Variants in ZNF341 observed in about 807,000 individuals in gnomAD.
The protein encoded by ZNF341 is zinc finger protein 341.
Under a neutral mutation model 87.7 loss-of-function variants are expected in ZNF341, and 52 were observed. The observed-to-expected ratio is 0.59, with a 90% confidence interval of 0.47 to 0.75. ZNF341 has a LOEUF of 0.75. Among genes scored for constraint, ZNF341 ranks in the 30% least tolerant of loss-of-function variants. The pLI, the probability that ZNF341 is intolerant of heterozygous loss-of-function variation, is 0.00. For missense variants in ZNF341, 977 were observed against 1,145.9 expected, an observed-to-expected ratio of 0.85 and a Z score of 2.13; for synonymous variants, 459 against 472.7, an observed-to-expected ratio of 0.97 and a Z score of 0.38.
rs766798942 is a variant in ZNF341, at chr20:33,791,527, G to A, written c.*10G>A. ...CCAGGCCTCCGAGTGACGGACCTGA[G>A]GTGTCTGTTTCCTGGGCAGGCCTGA... On this transcript the variant is annotated 3_prime_UTR_variant, in exon 15 of 15. Coordinates refer to ENST00000375200, the MANE Select transcript of ZNF341 (RefSeq NM_001282933.2). 2.6e-6 allele frequency: 4 copies of A among 1,537,178 alleles called. No homozygotes were observed. The Admixed American group carries it at 5.5e-5, about 21-fold the overall frequency.
At chr20:33,749,290 G>C (rs564081622) in intron 4 of ZNF341, among the ~76,000 whole-genome samples, 2 of 152,156 alleles carry the variant, frequency 1.3e-5, no homozygotes, top group East Asian at 3.9e-4. Context: ...ATACAGTGCA[G>C]CTATTTTGAC....
At chr20:33,767,082 C>G (rs371086701) in intron 9 of ZNF341, 41 bp downstream of exon 9, 1 of 1,579,010 alleles carries the variant, frequency 6.3e-7, no homozygotes, top group South Asian at 1.2e-5. Flanking sequence ...CCACACCAGT[C>G]GAAACCTTTC....
At chr20:33,790,678 C>T (rs558322712) in intron 14 of ZNF341, among the ~76,000 whole-genome samples, 53 of 152,156 alleles carry the variant, frequency 3.5e-4, no homozygotes, top group Non-Finnish European at 5.7e-4. Context: ...TCAGGCGTCA[C>T]GGCCCCTCCC....
rs2122698049 is a variant in ZNF341, at chr20:33,766,922, A to G, written c.1294A>G (p.Lys432Glu). 1 of 1,614,184 alleles carries G rather than the reference A, an allele frequency of 6.2e-7. No individual in the cohort carries two copies. Among genetic ancestry groups the G allele is most frequent in the Non-Finnish European group, 8.5e-7 (1 of 1,180,010 alleles). ...LSTAGEEEGD[K>E]PESKQVVLID... ...CACAGCTGGTGAGGAAGAGGGGGACAAGCCGGAGTCCAAGCAGGTGGTCCT... is the reference window on the plus strand; with the variant it reads ...CACAGCTGGTGAGGAAGAGGGGGACGAGCCGGAGTCCAAGCAGGTGGTCCT... Residue 432 changes from lysine to glutamate, a missense_variant, in exon 9 of 15, where the codon AAG becomes GAG. This residue lies in a region of ZNF341 where 515 missense variants were observed against 598.2 expected (regional missense o/e 0.86). Coordinates refer to ENST00000375200, the MANE Select transcript of ZNF341 (RefSeq NM_001282933.2).
chr20:33,767,187 C>A, intron 9 of ZNF341, 146 bp downstream of exon 9: 2 of 999,240 alleles, frequency 2.0e-6, no homozygotes, highest in Non-Finnish European at 2.9e-6. Context: ...AGATTCCGAG[C>A]AGGGGATTGA....
At chr20:33,770,805 C>A (rs2019515804) in intron 10 of ZNF341, among the ~76,000 whole-genome samples, 1 of 152,086 alleles carries the variant, frequency 6.6e-6, no homozygotes, top group Non-Finnish European at 1.5e-5. Flanking sequence ...GACCCCATCT[C>A]TACAAAATAA....
intron 3 of ZNF341, 57 bp from the exon 4 acceptor site, chr20:33,748,866 G>A (rs2018995414): frequency 2.6e-6 from 4 of 1,532,812 alleles, no homozygotes; most frequent in South Asian, 1.2e-5. Flanking sequence ...GCACACATGA[G>A]CACACACACA....
intron 7 of ZNF341, among the ~76,000 whole-genome samples, chr20:33,759,757 GGA>G (rs745746170): frequency 6.0e-5 from 9 of 151,028 alleles, no homozygotes; most frequent in Non-Finnish European, 1.0e-4. Flanking sequence ...TATAACAAAA[GGA>G]GAGAGAGAGA....
intron 9 of ZNF341, among the ~76,000 whole-genome samples, chr20:33,769,024 C>G (rs1004184346): frequency 1.3e-5 from 2 of 152,134 alleles, no homozygotes; most frequent in Non-Finnish European, 2.9e-5. Flanking sequence ...GTCAGATTGT[C>G]AAATTACATA....
chr20:33,790,714 G>A (rs112762249), intron 14 of ZNF341, among the ~76,000 whole-genome samples: 16 of 152,166 alleles, frequency 1.1e-4, no homozygotes, highest in Non-Finnish European at 1.5e-4. Context: ...CTGGCAAAGC[G>A]AGCCAAGGTG....
At chr20:33,740,834 C>G in intron 1 of ZNF341, 68 bp from the exon 2 acceptor site, 1 of 1,468,354 alleles carries the variant, frequency 6.8e-7, no homozygotes. Flanking sequence ...CTGGGTCTGG[C>G]TTGTAAGGGT....
chr20:33,780,322 G>C (rs2019715176), intron 10 of ZNF341, among the ~76,000 whole-genome samples: 1 of 152,192 alleles, frequency 6.6e-6, no homozygotes, highest in Admixed American at 6.5e-5. Context: ...AGGTCTGAGA[G>C]GTGGGAGTGG....
At chr20:33,740,100 G>A (rs1023181449) in intron 1 of ZNF341, among the ~76,000 whole-genome samples, 8 of 152,154 alleles carry the variant, frequency 5.3e-5, no homozygotes, top group African/African-American at 1.9e-4. Context: ...CTGACCTCAG[G>A]TGCTCTGCCC....
chr20:33,770,357 T>C, intron 10 of ZNF341, 65 bp downstream of exon 10: 1 of 1,474,506 alleles, frequency 6.8e-7, no homozygotes, highest in Non-Finnish European at 9.4e-7. Context: ...CCAGGGCCTG[T>C]GGCCTTGGTG....
rs762793705 is a variant in ZNF341, at chr20:33,757,199, A to G, written c.793A>G (p.Ser265Gly). The change falls in exon 6 of 15, where the codon AGC (serine) becomes GGC (glycine). Residue 265 changes from serine to glycine, a missense_variant. Ser to Gly is a moderately conservative substitution (Grantham distance 56, BLOSUM62 0). Around this residue, in one of 3 missense-constraint regions of ZNF341, gnomAD observed 515 missense variants for 598.2 expected, o/e 0.86. Coordinates refer to ENST00000375200, the MANE Select transcript of ZNF341 (RefSeq NM_001282933.2). ...AGTATATCCCACCCCCACAGTGTAC[A>G]GCCCTGGCAAACAGGGATTCAAACC... ...PPVYPTPTVY[S>G]PGKQGFKPKG... 10 of 1,596,084 alleles carry G rather than the reference A, an allele frequency of 6.3e-6. No homozygotes were observed. Among genetic ancestry groups the G allele is most frequent in the Non-Finnish European group, 8.5e-6 (10 of 1,172,304 alleles).
intron 10 of ZNF341, among the ~76,000 whole-genome samples, chr20:33,777,314 C>A (rs1601282108): frequency 8.2e-6 from 1 of 122,698 alleles, no homozygotes; most frequent in African/African-American, 3.5e-5. Context: ...CAGAGTGAGA[C>A]CCTATCTCAA....
chr20:33,742,259 C>G (rs745573501), intron 2 of ZNF341, among the ~76,000 whole-genome samples: 23 of 152,002 alleles, frequency 1.5e-4, no homozygotes, highest in Non-Finnish European at 3.1e-4. Flanking sequence ...TGCAGTGGCG[C>G]GATCTCGGCT....
intron 10 of ZNF341, among the ~76,000 whole-genome samples, chr20:33,780,414 T>G (rs1285906305): frequency 1.3e-5 from 2 of 151,276 alleles, no homozygotes; most frequent in Non-Finnish European, 2.9e-5. Context: ...TTTTTTTTTT[T>G]GTTTCTTTTT....
chr20:33,738,005 C>T (rs565743584), intron 1 of ZNF341, among the ~76,000 whole-genome samples: 6 of 151,718 alleles, frequency 4.0e-5, no homozygotes, highest in East Asian at 1.9e-4. Context: ...GGCATGGGGG[C>T]GTGTGCCTAT....
Sources: allele counts gnomAD v4.1 joint callset (sites outside exome capture counted in the v4.1 genomes callset), GRCh38; gene constraint gnomAD v4.1.1; regional missense constraint gnomAD v4.1.1; transcripts MANE v1.5; gene names NCBI Gene and HGNC (gene_info 2026-07-23, HGNC 2026-07-21).